SRCIN1: variants seen among roughly 807,000 people sequenced by gnomAD.
SRCIN1 encodes the protein SRC kinase signaling inhibitor 1.
In SRCIN1, 50 loss-of-function variants were observed where a neutral mutation model predicts 116.2. The ratio of observed to expected loss-of-function variants is 0.43; its 90% CI spans 0.34 to 0.54. SRCIN1 has a LOEUF of 0.54. Ranked by LOEUF, SRCIN1 falls within the 20% of genes least tolerant of loss-of-function variation. The probability of loss-of-function intolerance (pLI) is 0.02; values close to 1 mark genes in which losing one functional copy is unlikely to be tolerated. For missense variants in SRCIN1, 1,446 were observed against 1,672.0 expected (o/e 0.86, Z 2.36); for synonymous variants, 736 against 750.0 (o/e 0.98, Z 0.30).
At chr17:38,533,989 A>G (rs959611673) in intron 18 of SRCIN1, among the ~76,000 whole-genome samples, 1 of 151,154 alleles carries the variant, frequency 6.6e-6, no homozygotes, top group African/African-American at 2.4e-5. Context: ...CACCACCACC[A>G]CCTGGAAATC....
intron 1 of SRCIN1, among the ~76,000 whole-genome samples, chr17:38,601,776 C>T (rs1220392037): frequency 6.6e-6 from 1 of 152,168 alleles, no homozygotes; most frequent in African/African-American, 2.4e-5. Context: ...TCTGAGGCCA[C>T]TTCCCCGCCC....
At chr17:38,589,778 T>TA (rs1908342374) in intron 1 of SRCIN1, among the ~76,000 whole-genome samples, 1 of 152,220 alleles carries the variant, frequency 6.6e-6, no homozygotes, top group African/African-American at 2.4e-5. Context: ...CCTCATGGGT[T>TA]AATTTCTCTG....
intron 1 of SRCIN1, among the ~76,000 whole-genome samples, chr17:38,594,095 T>A (rs943404004): frequency 1.3e-5 from 2 of 152,176 alleles, no homozygotes; most frequent in African/African-American, 4.8e-5. Context: ...CCTGGCCCCC[T>A]CTGCCTGGTT....
At position 38,568,379 on chromosome 17, in the gene SRCIN1, C is replaced by A; in HGVS notation, c.325-148G>T. On this transcript the variant is annotated intron_variant, in intron 2 of 18. Transcript: ENST00000617146. The surrounding 1 kb of genome is among the most constrained non-coding windows in gnomAD (Gnocchi z 4.5). ...TCCCAGGAGCAGGAATGAAGTCATG[C>A]CTGGTACATCCATTCTCTACTGAGA... The A allele has an allele frequency of 4.0e-6, 3 of 756,570 alleles. No homozygotes were observed. The highest frequency in any genetic ancestry group is 3.1e-5 in the South Asian group (2 of 64,390). The allele number at this position is 756,570 out of a possible 1,614,324, so 46.9% of individuals were successfully genotyped here.
rs982816155 is a variant in SRCIN1 at position 38,605,072 on chromosome 17, G to T, written c.22+612C>A. Among the ~76,000 whole-genome samples, 6 of 151,994 alleles carry T rather than the reference G, an allele frequency of 3.9e-5. No homozygotes were observed. In the South Asian group the frequency reaches 6.2e-4, roughly 16 times the overall value. The stretch of plus-strand genomic sequence containing the variant: ...GGCTAGGGCCTCGAGGTGCGGGGAG[G>T]GGGGGTGTGTGGAATACAGGCTTGT... On this transcript the variant is annotated intron_variant, in intron 1 of 18. Coordinates refer to ENST00000617146, the MANE Select transcript of SRCIN1 (RefSeq NM_025248.3).
intron 1 of SRCIN1, among the ~76,000 whole-genome samples, chr17:38,605,064 G>A (rs964235276): frequency 1.3e-5 from 2 of 151,964 alleles, no homozygotes; most frequent in Non-Finnish European, 2.9e-5. Flanking sequence ...GCCTCGAGGT[G>A]CGGGGAGGGG....
At chr17:38,601,627 TAC>T (rs763687918) in intron 1 of SRCIN1, among the ~76,000 whole-genome samples, 1 of 140,052 alleles carries the variant, frequency 7.1e-6, no homozygotes, top group Non-Finnish European at 1.6e-5. Context: ...CCTCAACACA[TAC>T]ACACACACGC....
rs771650329 is a variant in SRCIN1, at chr17:38,578,592, C to T, written c.222G>A (p.Ala74=). 1.9e-5 allele frequency: 31 copies of T among 1,611,696 alleles called. No individual in the cohort carries two copies. The Admixed American group carries it at 4.7e-4, about 24-fold the overall frequency. The change falls in exon 2 of 19, where the codon GCG becomes GCA. Residue 74 remains alanine (A), a synonymous_variant. Transcript: ENST00000617146. ...AGGCATCACGCTTGCGGTCGGCGTCCGCCTTCTGGAGCCCGCTGAGCGCCT... is the reference window on the plus strand; with the variant it reads ...AGGCATCACGCTTGCGGTCGGCGTCTGCCTTCTGGAGCCCGCTGAGCGCCT... ...SLEALSGLQK[A]DADRKRDAFM...
At chr17:38,571,956 C>G (rs368849854) in intron 2 of SRCIN1, among the ~76,000 whole-genome samples, 27 of 152,208 alleles carry the variant, frequency 1.8e-4, no homozygotes, top group Non-Finnish European at 3.1e-4. Flanking sequence ...GGTTTTCCCC[C>G]CCTCGGCCCT....
chr17:38,550,919 GTCCTCT>G (rs1905352647), intron 15 of SRCIN1, among the ~76,000 whole-genome samples: 1 of 152,266 alleles, frequency 6.6e-6, no homozygotes, highest in African/African-American at 2.4e-5. Context: ...TCCCTGCCTG[GTCCTCT>G]CAGTGGCTCC....
At chr17:38,534,050 A>G (rs976111618) in intron 18 of SRCIN1, among the ~76,000 whole-genome samples, 1 of 152,098 alleles carries the variant, frequency 6.6e-6, no homozygotes, top group Non-Finnish European at 1.5e-5. Context: ...AGGAGGCCCC[A>G]CTGCATGCCC....
Position 38,605,710 on chromosome 17 carries a change from C to A in SRCIN1, c.-5G>T. 2.1e-6 allele frequency: 2 copies of A among 949,310 alleles called. No homozygotes were observed. The highest frequency in any genetic ancestry group is 2.6e-6 in the Non-Finnish European group (2 of 763,910). 58.8% of individuals were successfully genotyped at this position (949,310 alleles called of 1,614,324 possible). A position where few individuals can be genotyped will look rare whatever the true frequency, so the allele number is the denominator to read the frequency against. On this transcript the variant is annotated 5_prime_UTR_variant, in exon 1 of 19. Coordinates refer to ENST00000617146, the MANE Select transcript of SRCIN1 (RefSeq NM_025248.3). The stretch of plus-strand genomic sequence containing the variant: ...TTGGGACGGAGCGTTCCCCATCGGG[C>A]GGGGGCGCGGGGGGCGGGGGCCCCG...
intron 2 of SRCIN1, chr17:38,575,098 G>A (rs552410848): frequency 7.5e-5 from 30 of 398,230 alleles, no homozygotes; most frequent in Admixed American, 1.8e-4. Context: ...CTGCAGAGGG[G>A]TCTAGCGATG....
intron 1 of SRCIN1, among the ~76,000 whole-genome samples, chr17:38,583,092 C>A (rs950014633): frequency 1.3e-5 from 2 of 152,160 alleles, no homozygotes; most frequent in African/African-American, 2.4e-5. Flanking sequence ...TTTTTTGAGA[C>A]AAGGTCTCAC....
intron 17 of SRCIN1, among the ~76,000 whole-genome samples, chr17:38,546,211 C>A (rs1905062987): frequency 6.6e-6 from 1 of 152,256 alleles, no homozygotes; most frequent in South Asian, 2.1e-4. Context: ...CACCCTTCCT[C>A]ACCTTCAGTG....
intron 1 of SRCIN1, among the ~76,000 whole-genome samples, chr17:38,590,360 C>T (rs146201369): frequency 2.0e-5 from 3 of 152,328 alleles, no homozygotes; most frequent in South Asian, 2.1e-4. Flanking sequence ...CTCAGCCTCC[C>T]GAGTAGCTGG....
chr17:38,559,198 A>C, intron 10 of SRCIN1: 2 of 258,712 alleles, frequency 7.7e-6, no homozygotes, highest in Non-Finnish European at 1.5e-5. Flanking sequence ...ACTTGGGGGA[A>C]GGGCTCTCGC....
chr17:38,546,319 G>A (rs1905068218), intron 17 of SRCIN1: 1 of 152,418 alleles, frequency 6.6e-6, no homozygotes, highest in Admixed American at 6.5e-5. Context: ...TAGTGGCAGA[G>A]CCTGGATTTG....
chr17:38,560,135 C>T, intron 8 of SRCIN1, 38 bp from the exon 9 acceptor site: 1 of 1,525,068 alleles, frequency 6.6e-7, no homozygotes. Context: ...GGGGTCCAGG[C>T]CAGCCCCAGA....
Sources: gnomAD v4.1 joint callset for allele counts (sites outside exome capture counted in the v4.1 genomes callset) on GRCh38, gnomAD v4.1.1 for gene constraint, Gnocchi (gnomAD v3.1) non-coding constraint, MANE v1.5 for transcripts, NCBI Gene and HGNC (gene_info 2026-07-23, HGNC 2026-07-21) for gene names.